Variants in BACE2 observed in about 807,000 individuals in gnomAD.
BACE2 encodes beta-secretase 2.
BACE2 carries 17 observed loss-of-function variants against 46.2 expected under a neutral mutation model. The ratio of observed to expected loss-of-function variants is 0.37; its 90% CI spans 0.25 to 0.55. The LOEUF is 0.55. Among genes scored for constraint, BACE2 ranks in the 20% least tolerant of loss-of-function variants. The probability of loss-of-function intolerance (pLI) is 0.82; values close to 1 mark genes in which losing one functional copy is unlikely to be tolerated. For missense variants in BACE2, 595 were observed against 698.1 expected, an observed-to-expected ratio of 0.85 and a Z score of 1.66; for synonymous variants, 277 against 295.9, an observed-to-expected ratio of 0.94 and a Z score of 0.66.
intron 2 of BACE2, among the ~76,000 whole-genome samples, chr21:41,228,996 T>C (rs970509702): frequency 1.3e-5 from 2 of 152,230 alleles, no homozygotes; most frequent in African/African-American, 2.4e-5. Context: ...CCAGAGCGAC[T>C]TTGGAAAGTG....
At chr21:41,178,949 G>T in intron 1 of BACE2, 1 of 502,058 alleles carries the variant, frequency 2.0e-6, no homozygotes, top group Non-Finnish European at 3.1e-6. Flanking sequence ...TATAAGGGCG[G>T]TTATGGAAGA....
intron 1 of BACE2, among the ~76,000 whole-genome samples, chr21:41,213,449 T>G (rs920354313): frequency 6.6e-6 from 1 of 151,944 alleles, no homozygotes; most frequent in Non-Finnish European, 1.5e-5. Context: ...AAATAAGGAA[T>G]ATCAAACCCC....
chr21:41,177,982 G>A (rs1984921627), intron 1 of BACE2: 2 of 152,194 alleles, frequency 1.3e-5, no homozygotes, highest in South Asian at 4.1e-4. Flanking sequence ...CACCCCAGGG[G>A]ACATCTGGCA....
rs758651380 is a variant in BACE2, at chr21:41,241,848, C to G, written c.648C>G (p.Asp216Glu). Residue 216 changes from aspartate to glutamate, a missense_variant, in exon 4 of 9, where the codon GAC becomes GAG. Transcript: ENST00000330333. ...KPSSSLETFF[D>E]SLVTQANIPN... ...CAAGTTCTCTGGAGACCTTCTTCGA[C>G]TCCCTGGTGACACAAGCAAACATCC... The G allele has an allele frequency of 1.5e-5, 25 of 1,614,184 alleles. No individual in the cohort carries two copies. Among genetic ancestry groups the G allele is most frequent in the Middle Eastern group, 3.3e-4 (2 of 6,062 alleles).
intron 7 of BACE2, among the ~76,000 whole-genome samples, chr21:41,254,841 TC>T (rs1444427080): frequency 6.6e-6 from 1 of 152,224 alleles, no homozygotes; most frequent in Non-Finnish European, 1.5e-5. Context: ...CTTCCTCTTT[TC>T]ACTGAGGAAA....
At chr21:41,248,655 G>T (rs1047959608) in intron 6 of BACE2, among the ~76,000 whole-genome samples, 1 of 152,230 alleles carries the variant, frequency 6.6e-6, no homozygotes, top group Non-Finnish European at 1.5e-5. Context: ...ATCACAAATG[G>T]TCTGAGTGGA....
intron 1 of BACE2, among the ~76,000 whole-genome samples, chr21:41,210,626 T>C (rs1986269252): frequency 6.6e-6 from 1 of 152,074 alleles, no homozygotes; most frequent in Non-Finnish European, 1.5e-5. Context: ...TGACTGCAGC[T>C]CGGATTGGGC....
intron 1 of BACE2, among the ~76,000 whole-genome samples, chr21:41,210,353 G>A (rs76947894): frequency 0.027 from 4,135 of 152,090 alleles, 177 homozygotes; most frequent in African/African-American, 0.09. Context: ...TAGGCACAAC[G>A]GCTGACCAGT....
intron 7 of BACE2, among the ~76,000 whole-genome samples, chr21:41,253,604 G>T (rs140359817): frequency 2.0e-5 from 3 of 152,212 alleles, no homozygotes; most frequent in Non-Finnish European, 2.9e-5. Flanking sequence ...CCAAGGACTC[G>T]TAAGAAGCAG....
intron 1 of BACE2, chr21:41,181,471 C>T (rs1225657512): frequency 1.2e-5 from 2 of 167,042 alleles, no homozygotes; most frequent in Non-Finnish European, 2.9e-5. Flanking sequence ...GGAGAAGGTA[C>T]CATATATGGT....
rs1349194668 is a variant in BACE2 at position 41,173,809 on chromosome 21, GTATAA to G, written c.312+5238_312+5242del. Among the ~76,000 whole-genome samples the G allele has an allele frequency of 4.6e-5, 7 of 152,212 alleles. No homozygotes were observed. In the East Asian group the frequency reaches 1.2e-3, roughly 25 times the overall value. On this transcript the variant is annotated intron_variant, in intron 1 of 8. Coordinates refer to ENST00000330333, the MANE Select transcript of BACE2 (RefSeq NM_012105.5). ...TAATTCTAGAATTGCTGAAATTAAT[GTATAA>G]TATGAGAGAAATCCAATGTGTACAA...
intron 2 of BACE2, among the ~76,000 whole-genome samples, chr21:41,233,493 G>A (rs1987024778): frequency 6.6e-6 from 1 of 152,178 alleles, no homozygotes; most frequent in South Asian, 2.1e-4. Flanking sequence ...CCTCTGTAAG[G>A]AGACCAGCAA....
intron 1 of BACE2, chr21:41,176,454 C>T (rs958833295): frequency 2.0e-5 from 3 of 152,250 alleles, no homozygotes; most frequent in African/African-American, 7.2e-5. Flanking sequence ...TGAGAATCTG[C>T]ATTTTATTAT....
intron 1 of BACE2, among the ~76,000 whole-genome samples, chr21:41,222,434 G>T (rs944560076): frequency 2.6e-5 from 4 of 152,294 alleles, no homozygotes; most frequent in Admixed American, 2.0e-4. Flanking sequence ...CCTGGACCTG[G>T]GTATCCTGGG....
At chr21:41,217,061 A>G (rs981267379) in intron 1 of BACE2, among the ~76,000 whole-genome samples, 4 of 152,122 alleles carry the variant, frequency 2.6e-5, no homozygotes, top group Admixed American at 2.6e-4. Context: ...TCTCCTGAGT[A>G]GCTGGGATTA....
intron 8 of BACE2, among the ~76,000 whole-genome samples, chr21:41,270,916 A>G (rs1161827635): frequency 3.3e-5 from 5 of 152,132 alleles, no homozygotes; most frequent in African/African-American, 7.2e-5. Flanking sequence ...ATCTCTGACT[A>G]TATTTGTGGA....
At chr21:41,260,828 T>TG (rs1428656432) in intron 8 of BACE2, among the ~76,000 whole-genome samples, 1 of 152,240 alleles carries the variant, frequency 6.6e-6, no homozygotes, top group African/African-American at 2.4e-5. Flanking sequence ...GCAGTCATCT[T>TG]GGAAACATCC....
intron 1 of BACE2, among the ~76,000 whole-genome samples, chr21:41,172,236 A>G (rs1344105634): frequency 2.0e-5 from 3 of 152,264 alleles, no homozygotes; most frequent in Admixed American, 1.3e-4. Context: ...GAAAGAATTC[A>G]TCAAAGACTG....
chr21:41,255,295 C>T (rs533166354), intron 7 of BACE2, among the ~76,000 whole-genome samples: 5 of 152,202 alleles, frequency 3.3e-5, no homozygotes, highest in Non-Finnish European at 7.4e-5. Flanking sequence ...GAGTCTCAGG[C>T]TAGATCACGG....
Sources: gnomAD v4.1 joint callset for allele counts (sites outside exome capture counted in the v4.1 genomes callset) on GRCh38, gnomAD v4.1.1 for gene constraint, MANE v1.5 for transcripts, NCBI Gene and HGNC (gene_info 2026-07-23, HGNC 2026-07-21) for gene names.